Variants in SLC2A5 observed in about 807,000 individuals in gnomAD.
SLC2A5 encodes solute carrier family 2 member 5.
A neutral mutation model predicts 50.3 loss-of-function variants in SLC2A5; 56 were observed. The ratio of observed to expected loss-of-function variants is 1.11; its 90% CI spans 0.90 to 1.39. SLC2A5 has a LOEUF of 1.39. Among genes scored for constraint, SLC2A5 ranks in the 40% most tolerant of loss-of-function variants. The probability of loss-of-function intolerance (pLI) is 0.00; values close to 1 mark genes in which losing one functional copy is unlikely to be tolerated. For missense variants in SLC2A5, 566 were observed against 650.1 expected (o/e 0.87, Z 1.41); for synonymous variants, 269 against 281.9 (o/e 0.95, Z 0.46).
chr1:9,059,877 G>A (rs1641864801), intron 1 of SLC2A5, among the ~76,000 whole-genome samples: 1 of 151,886 alleles, frequency 6.6e-6, no homozygotes, highest in African/African-American at 2.4e-5. Flanking sequence ...GCCAGAAAGG[G>A]AGAGAAACAA....
intron 5 of SLC2A5, chr1:9,041,197 A>G: frequency 2.5e-6 from 1 of 394,454 alleles, no homozygotes; most frequent in Non-Finnish European, 4.5e-6. Flanking sequence ...ATGACTGATG[A>G]TAGTTTAAAG....
At chr1:9,052,375 T>C (rs891441325) in intron 3 of SLC2A5, among the ~76,000 whole-genome samples, 3 of 152,048 alleles carry the variant, frequency 2.0e-5, no homozygotes, top group Non-Finnish European at 4.4e-5. Context: ...AGTAGAAGGA[T>C]CGGTGGTTGC....
intron 4 of SLC2A5, among the ~76,000 whole-genome samples, chr1:9,042,579 T>C (rs1641331953): frequency 6.7e-6 from 1 of 149,746 alleles, no homozygotes; most frequent in South Asian, 2.1e-4. Context: ...TGTACATATA[T>C]ATATATATGG....
intron 2 of SLC2A5, among the ~76,000 whole-genome samples, chr1:9,080,349 CAT>C (rs1295583662): frequency 2.0e-5 from 3 of 152,196 alleles, no homozygotes; most frequent in African/African-American, 7.2e-5. Context: ...CACTGGATCA[CAT>C]GATAATTCTA....
At chr1:9,092,683 G>A (rs188622738), upstream of SLC2A5, among the ~76,000 whole-genome samples, 12 of 152,134 alleles carry the variant, frequency 7.9e-5, no homozygotes, top group East Asian at 9.6e-4. Context: ...TTCTACTGTC[G>A]CCTCCAAATT....
chr1:9,086,869 C>T (rs2124487508), intron 1 of SLC2A5, among the ~76,000 whole-genome samples: 1 of 152,260 alleles, frequency 6.6e-6, no homozygotes, highest in South Asian at 2.1e-4. Flanking sequence ...TAAAAAACCC[C>T]TAAATCCAGC....
chr1:9,087,602 C>A (rs535777406), intron 1 of SLC2A5, among the ~76,000 whole-genome samples: 1 of 151,914 alleles, frequency 6.6e-6, no homozygotes, highest in African/African-American at 2.4e-5. Context: ...TGGGCAGCAG[C>A]GGCCCTCATC....
At chr1:9,091,155 C>T (rs1642457965), upstream of SLC2A5, among the ~76,000 whole-genome samples, 1 of 152,170 alleles carries the variant, frequency 6.6e-6, no homozygotes, top group South Asian at 2.1e-4. Flanking sequence ...TGCTAAACTC[C>T]TTTATTAACA....
chr1:9,078,725 G>A (rs1480536603), intron 2 of SLC2A5, among the ~76,000 whole-genome samples: 1 of 152,192 alleles, frequency 6.6e-6, no homozygotes, highest in Non-Finnish European at 1.5e-5. Context: ...GGGTGAGGCA[G>A]CTATCAGGAA....
chr1:9,037,434 G>C lies in SLC2A5; in HGVS notation c.*152C>G, dbSNP rs1160919233. The C allele has an allele frequency of 1.5e-6, 1 of 675,336 alleles. No individual in the cohort carries two copies. The highest frequency in any genetic ancestry group is 2.6e-6 in the Non-Finnish European group (1 of 390,640). The allele number at this position is 675,336 out of a possible 1,614,324, so 41.8% of individuals were successfully genotyped here. On this transcript the variant is annotated 3_prime_UTR_variant, in exon 12 of 12. Transcript: ENST00000377424. ...GAACAGCAAGGCAGCCCTTTGCACA[G>C]TTCCCACTGGGGTGGGGAGGCTGGA... is the stretch of plus-strand genomic sequence containing the variant.
At chr1:9,042,313 T>G (rs1641323910) in intron 4 of SLC2A5, among the ~76,000 whole-genome samples, 1 of 152,038 alleles carries the variant, frequency 6.6e-6, no homozygotes, top group Non-Finnish European at 1.5e-5. Flanking sequence ...TTTCAGCACT[T>G]GGGGAGGCTA....
chr1:9,057,462 CACCAAGGGGCCG>C lies in SLC2A5; in HGVS notation c.267_278del (p.Gly90_Val93del). The C allele has an allele frequency of 6.2e-7, 1 of 1,608,696 alleles. No individual in the cohort carries two copies. Among genetic ancestry groups the C allele is most frequent in the Admixed American group, 1.7e-5 (1 of 58,332 alleles). On this transcript the variant is annotated inframe_deletion, in exon 3 of 12. Coordinates refer to ENST00000377424, the MANE Select transcript of SLC2A5 (RefSeq NM_003039.3). ...CCTTCCCTTACCTGCCAAATTTATTCACCAAGGGGCCGACCAGGAGGGATCCGATAAACCCTC... is the reference window on the plus strand; with the variant it reads ...CCTTCCCTTACCTGCCAAATTTATTCACCAGGAGGGATCCGATAAACCCTC...
In SLC2A5 at chr1:9,057,566, C is replaced by T. The variant is rs760528447; in HGVS notation, c.175G>A (p.Gly59Ser). The change falls in exon 3 of 12, where the codon GGT becomes AGT. Residue 59 changes from glycine to serine, a missense_variant. Coordinates refer to ENST00000377424, the MANE Select transcript of SLC2A5 (RefSeq NM_003039.3). ...FYNETYYGRTGEFMEDFPLTL... is the reference protein window; with the variant it reads ...FYNETYYGRTSEFMEDFPLTL... ...AAGGGGAAGTCTTCCATGAATTCAC[C>T]GGTCCTACCATAGTAAGTCTCATTG... 1.1e-5 allele frequency: 17 copies of T among 1,613,524 alleles called. No individual in the cohort carries two copies. The highest frequency in any genetic ancestry group is 9.3e-5 in the African/African-American group (7 of 74,908).
chr1:9,078,380 C>T (rs1356729571), intron 2 of SLC2A5, among the ~76,000 whole-genome samples: 1 of 152,070 alleles, frequency 6.6e-6, no homozygotes, highest in South Asian at 2.1e-4. Flanking sequence ...GGGAATGCAG[C>T]CCAGTAGGTC....
At chr1:9,081,023 G>A (rs1461126057) in intron 2 of SLC2A5, among the ~76,000 whole-genome samples, 3 of 152,082 alleles carry the variant, frequency 2.0e-5, no homozygotes, top group Non-Finnish European at 4.4e-5. Context: ...CAAATCACTC[G>A]AGCTCAGGAG....
At chr1:9,055,156 C>T (rs1641717051) in intron 3 of SLC2A5, among the ~76,000 whole-genome samples, 1 of 152,174 alleles carries the variant, frequency 6.6e-6, no homozygotes, top group African/African-American at 2.4e-5. Context: ...GTCCTGGCCA[C>T]CTCCCAGCTG....
chr1:9,065,363 CA>C (rs1642053817), intron 1 of SLC2A5, among the ~76,000 whole-genome samples: 1 of 152,146 alleles, frequency 6.6e-6, no homozygotes, highest in Non-Finnish European at 1.5e-5. Flanking sequence ...AAGCCCAAAC[CA>C]TCTCCCTTAG....
chr1:9,088,411 T>G (rs41280754), exon 1 of SLC2A5: 38,049 of 152,072 alleles, frequency 0.25, 4,998 homozygotes, highest in South Asian at 0.3. Context: ...TGGCTGCAGT[T>G]TGCCAACCAC....
At chr1:9,053,065 T>TTA (rs1641621213) in intron 3 of SLC2A5, among the ~76,000 whole-genome samples, 1 of 79,790 alleles carries the variant, frequency 1.3e-5, no homozygotes, top group African/African-American at 5.8e-5. Flanking sequence ...ATAATATATA[T>TTA]TATATATTTA....
Sources: allele counts gnomAD v4.1 joint callset (sites outside exome capture counted in the v4.1 genomes callset), GRCh38; gene constraint gnomAD v4.1.1; transcripts MANE v1.5; gene names NCBI Gene and HGNC (gene_info 2026-07-23, HGNC 2026-07-21).